Variants in DSCAM observed in about 807,000 individuals in gnomAD.
The protein encoded by DSCAM is DS cell adhesion molecule.
DSCAM carries 47 observed loss-of-function variants against 217.7 expected under a neutral mutation model. The observed-to-expected ratio is 0.22, with a 90% CI of 0.17 to 0.28. The LOEUF (loss-of-function observed/expected upper bound fraction) is 0.28. DSCAM is among the 10% of genes least tolerant of loss of function. DSCAM has a pLI of 1.00. For synonymous variants in DSCAM, 1,056 were observed against 1,015.3 expected, an observed-to-expected ratio of 1.04 and a Z score of -0.76; for missense variants, 2,080 against 2,618.3, an observed-to-expected ratio of 0.79 and a Z score of 4.49.
chr21:40,105,382 TC>T (rs2089806113), intron 20 of DSCAM, among the ~76,000 whole-genome samples: 1 of 152,158 alleles, frequency 6.6e-6, no homozygotes, highest in South Asian at 2.1e-4. Context: ...GTTCCCACAA[TC>T]CCCATGTGCC....
intron 3 of DSCAM, among the ~76,000 whole-genome samples, chr21:40,670,188 T>C (rs997676645): frequency 3.9e-5 from 6 of 152,216 alleles, no homozygotes; most frequent in African/African-American, 1.4e-4. Flanking sequence ...ACATGTAACA[T>C]AAAACTTACT....
At position 40,312,116 on chromosome 21, in the gene DSCAM, G is replaced by C; in HGVS notation, c.2027C>G (p.Ala676Gly). Reference sequence around the variant, plus strand: ...CAACTGGCTTTGGTGCTCCACAGCGGCGGCCTCATTCCGGGCTATGCAGGT... The same window carrying C: ...CAACTGGCTTTGGTGCTCCACAGCGCCGGCCTCATTCCGGGCTATGCAGGT... The part of the protein sequence containing the change: ...NYTCIARNEA[A>G]AVEHQSQLIV... Residue 676 changes from alanine (A) to glycine (G), a missense_variant, in exon 9 of 33, where the codon GCC becomes GGC. Ala to Gly is a moderately conservative substitution (Grantham distance 60). Coordinates refer to ENST00000400454, the MANE Select transcript of DSCAM (RefSeq NM_001389.5). 2 of 1,613,986 alleles carry C rather than the reference G, an allele frequency of 1.2e-6. No individual in the cohort carries two copies. The highest frequency in any genetic ancestry group is 1.7e-6 in the Non-Finnish European group (2 of 1,179,966).
chr21:40,618,010 G>A (rs139865018), intron 3 of DSCAM, among the ~76,000 whole-genome samples: 9 of 152,334 alleles, frequency 5.9e-5, no homozygotes, highest in South Asian at 2.1e-4. Context: ...GAAGCCTCAC[G>A]AACCATAGGA....
At chr21:40,462,434 G>C (rs560943093) in intron 3 of DSCAM, among the ~76,000 whole-genome samples, 1 of 152,166 alleles carries the variant, frequency 6.6e-6, no homozygotes, top group Non-Finnish European at 1.5e-5. Context: ...CCTGAGAACC[G>C]CTGGCTTAAT....
At chr21:40,791,781 A>T (rs187904619) in intron 1 of DSCAM, among the ~76,000 whole-genome samples, 1 of 152,044 alleles carries the variant, frequency 6.6e-6, no homozygotes, top group Non-Finnish European at 1.5e-5. Context: ...AATCAAAGTG[A>T]CTCTCCTCAC....
chr21:40,806,511 ATTTATT>A (rs1417343100), intron 1 of DSCAM, among the ~76,000 whole-genome samples: 1 of 152,218 alleles, frequency 6.6e-6, no homozygotes, highest in Non-Finnish European at 1.5e-5. Flanking sequence ...AAGTCACATA[ATTTATT>A]TCCAAATCCT....
intron 3 of DSCAM, among the ~76,000 whole-genome samples, chr21:40,403,532 T>G (rs1486735955): frequency 1.3e-5 from 2 of 152,138 alleles, no homozygotes; most frequent in East Asian, 3.9e-4. Flanking sequence ...TTTAACAAAC[T>G]ATGCCTTATA....
intron 3 of DSCAM, among the ~76,000 whole-genome samples, chr21:40,416,672 T>G (rs553728612): frequency 6.0e-4 from 91 of 152,264 alleles, no homozygotes; most frequent in Admixed American, 1.2e-3. Flanking sequence ...AAACTTCAAT[T>G]GAGTTGATAG....
chr21:40,416,043 T>C (rs1410860975), intron 3 of DSCAM, among the ~76,000 whole-genome samples: 1 of 152,212 alleles, frequency 6.6e-6, no homozygotes, highest in Non-Finnish European at 1.5e-5. Context: ...TCAGTTTTTC[T>C]GTGCAAATAT....
intron 3 of DSCAM, among the ~76,000 whole-genome samples, chr21:40,382,599 G>A (rs998651847): frequency 2.0e-5 from 3 of 152,200 alleles, no homozygotes; most frequent in Admixed American, 6.5e-5. Context: ...CCATACAAAT[G>A]TACATGCAAA....
intron 1 of DSCAM, among the ~76,000 whole-genome samples, chr21:40,783,677 G>A (rs2091567233): frequency 6.6e-6 from 1 of 152,228 alleles, no homozygotes; most frequent in Admixed American, 6.5e-5. Context: ...GAGCAATGGA[G>A]TGGACAGCAC....
rs2090329373 is a variant in DSCAM at position 40,144,374 on chromosome 21, C to T, written c.3259+117G>A. 6.7e-7 allele frequency: 1 copy of T among 1,490,670 alleles called. No homozygotes were observed. Among genetic ancestry groups the T allele is most frequent in the South Asian group, 1.3e-5 (1 of 77,496 alleles). 92.3% of individuals were successfully genotyped at this position (1,490,670 alleles called of 1,614,324 possible). On this transcript the variant is annotated intron_variant, in intron 17 of 32. Transcript: ENST00000400454. This position sits in a 1 kb window ranked among gnomAD's most constrained non-coding sequence, Gnocchi z 4.8. ...GCTTTTCCACCCGAGACCCCAGGCCCTGCAGGTCACTGCAAAGTCGTGGGG... is the reference window on the plus strand; with the variant it reads ...GCTTTTCCACCCGAGACCCCAGGCCTTGCAGGTCACTGCAAAGTCGTGGGG...
intron 1 of DSCAM, among the ~76,000 whole-genome samples, chr21:40,766,647 TAA>T (rs1282181580): frequency 2.7e-5 from 1 of 36,932 alleles, no homozygotes; most frequent in Non-Finnish European, 5.9e-5. Flanking sequence ...CTAATGTTTT[TAA>T]AAAGACAAAA....
intron 11 of DSCAM, among the ~76,000 whole-genome samples, chr21:40,243,153 C>T (rs2073175732): frequency 6.6e-6 from 1 of 152,176 alleles, no homozygotes; most frequent in South Asian, 2.1e-4. Flanking sequence ...TGTATTTAGA[C>T]TGACTTTGGA....
intron 11 of DSCAM, among the ~76,000 whole-genome samples, chr21:40,224,372 A>G (rs1178224849): frequency 6.6e-6 from 1 of 152,200 alleles, no homozygotes; most frequent in East Asian, 1.9e-4. Flanking sequence ...TTCTTAGTCA[A>G]TTGTTTAAGT....
intron 20 of DSCAM, among the ~76,000 whole-genome samples, chr21:40,110,679 C>T (rs180914551): frequency 4.6e-5 from 7 of 151,734 alleles, no homozygotes; most frequent in African/African-American, 4.8e-5. Flanking sequence ...AAAAATTAGA[C>T]GAATGGCTAA....
At chr21:40,636,228 G>T (rs974346674) in intron 3 of DSCAM, among the ~76,000 whole-genome samples, 1 of 151,992 alleles carries the variant, frequency 6.6e-6, no homozygotes, top group Non-Finnish European at 1.5e-5. Flanking sequence ...TAAGATGCAC[G>T]TGGTTCACGG....
At chr21:40,410,087 A>C (rs1232469711) in intron 3 of DSCAM, among the ~76,000 whole-genome samples, 1 of 152,210 alleles carries the variant, frequency 6.6e-6, no homozygotes, top group African/African-American at 2.4e-5. Flanking sequence ...CAAGGAAATT[A>C]AAACACGGAT....
chr21:40,371,493 T>C (rs954796008), intron 3 of DSCAM, among the ~76,000 whole-genome samples: 2 of 151,910 alleles, frequency 1.3e-5, no homozygotes, highest in Non-Finnish European at 1.5e-5. Context: ...TTAGAATTGA[T>C]AGGCCATGAG....
Sources: gnomAD v4.1 joint callset for allele counts (sites outside exome capture counted in the v4.1 genomes callset) on GRCh38, gnomAD v4.1.1 for gene constraint, Gnocchi (gnomAD v3.1) non-coding constraint, MANE v1.5 for transcripts, NCBI Gene and HGNC (gene_info 2026-07-23, HGNC 2026-07-21) for gene names.